Variants in FUT8 observed in about 807,000 individuals in gnomAD.
FUT8 encodes the protein fucosyltransferase 8.
FUT8 carries 29 observed loss-of-function variants against 71.3 expected under a neutral mutation model. That is an observed-to-expected ratio of 0.41 (90% CI 0.30 to 0.55). FUT8 has a LOEUF of 0.55. Among genes scored for constraint, FUT8 ranks in the 20% least tolerant of loss-of-function variants. The pLI is 0.34. For missense variants in FUT8, 544 were observed against 702.1 expected (o/e 0.77, Z 2.55); for synonymous variants, 254 against 239.3 (o/e 1.06, Z -0.57).
chr14:65,675,650 C>A (rs1203891921), intron 7 of FUT8, among the ~76,000 whole-genome samples: 3 of 152,116 alleles, frequency 2.0e-5, no homozygotes, highest in African/African-American at 4.8e-5. Flanking sequence ...TATTTACCTT[C>A]TAGGTTATTT....
rs1889415122 is a variant in FUT8, at chr14:65,618,305, A to G, written c.482+1932A>G. 2.6e-5 allele frequency among the ~76,000 whole-genome samples: 4 copies of G among 152,048 alleles called. No homozygotes were observed. In the South Asian group the frequency reaches 6.2e-4, roughly 24 times the overall value. On this transcript the variant is annotated intron_variant, in intron 5 of 10. Coordinates refer to ENST00000673929, the MANE Select transcript of FUT8 (RefSeq NM_001371533.1). ...CCATATGTACAAATGAAAAGTGAAT[A>G]TAAGAAATGGGCCCCTGAGAAACTG...
At chr14:65,500,113 G>T (rs1456330394) in intron 2 of FUT8, among the ~76,000 whole-genome samples, 1 of 152,114 alleles carries the variant, frequency 6.6e-6, no homozygotes, top group Admixed American at 6.5e-5. Context: ...AGTAGTTTTG[G>T]AATAGGATGA....
At chr14:65,740,215 G>A (rs1896427579) in intron 10 of FUT8, among the ~76,000 whole-genome samples, 2 of 151,800 alleles carry the variant, frequency 1.3e-5, no homozygotes, top group Non-Finnish European at 2.9e-5. Context: ...AAATCTGAAA[G>A]CAAGGTTTCT....
intron 2 of FUT8, among the ~76,000 whole-genome samples, chr14:65,485,321 A>G (rs1270312096): frequency 6.6e-6 from 1 of 151,902 alleles, no homozygotes; most frequent in Non-Finnish European, 1.5e-5. Flanking sequence ...ACCTTTTTTG[A>G]GTGTTAGATA....
intron 1 of FUT8, among the ~76,000 whole-genome samples, chr14:65,453,112 G>A (rs2065851136): frequency 6.6e-6 from 1 of 151,348 alleles, no homozygotes; most frequent in African/African-American, 2.4e-5. Flanking sequence ...GCCCTGTTGG[G>A]TGCTGGACAT....
At position 65,616,199 on chromosome 14, in the gene FUT8, C is replaced by A; in HGVS notation, c.320-12C>A. The A allele has an allele frequency of 1.3e-6, 2 of 1,599,998 alleles. No homozygotes were observed. The highest frequency in any genetic ancestry group is 1.7e-6 in the Non-Finnish European group (2 of 1,173,824). ...GTTGGAAATGCTACAACTCTCTATT[C>A]TTTGACTACAGGTCTGGGGAAGGAT... On this transcript the variant is annotated splice_polypyrimidine_tract_variant and intron_variant, in intron 4 of 10. Coordinates refer to ENST00000673929, the MANE Select transcript of FUT8 (RefSeq NM_001371533.1).
At chr14:65,479,712 A>G (rs750778835) in intron 2 of FUT8, 9 of 151,208 alleles carry the variant, frequency 6.0e-5, no homozygotes, top group Non-Finnish European at 1.3e-4. Flanking sequence ...TGAAGATTCT[A>G]TTTTGACCAG....
intron 1 of FUT8, among the ~76,000 whole-genome samples, chr14:65,441,258 A>T (rs2139485108): frequency 6.6e-6 from 1 of 152,352 alleles, no homozygotes; most frequent in Admixed American, 6.5e-5. Flanking sequence ...GTTAGAAGAG[A>T]TTAGGGTTGT....
chr14:65,382,044 C>T, the FUT8 span, among the ~76,000 whole-genome samples: 5 of 152,222 alleles, frequency 3.3e-5, no homozygotes, highest in African/African-American at 1.2e-4. Flanking sequence ...CTTCTATTTA[C>T]CAAAGCTAGA....
chr14:65,528,461 G>T (rs1160945703), intron 2 of FUT8, among the ~76,000 whole-genome samples: 1 of 152,182 alleles, frequency 6.6e-6, no homozygotes, highest in African/African-American at 2.4e-5. Context: ...GCTTCCCTTG[G>T]CTAGGAAAGG....
chr14:65,418,746 G>A (rs2065253457), intron 1 of FUT8, among the ~76,000 whole-genome samples: 1 of 152,052 alleles, frequency 6.6e-6, no homozygotes, highest in Admixed American at 6.5e-5. Context: ...TTCTAGCAAT[G>A]GTAAGAAATG....
At chr14:65,520,944 T>C (rs568709983) in intron 2 of FUT8, among the ~76,000 whole-genome samples, 46 of 152,254 alleles carry the variant, frequency 3.0e-4, no homozygotes, top group Non-Finnish European at 3.7e-4. Context: ...AGCACACATA[T>C]AAGACTGTAA....
At chr14:65,605,379 G>C (rs1372660549) in intron 3 of FUT8, among the ~76,000 whole-genome samples, 2 of 151,850 alleles carry the variant, frequency 1.3e-5, no homozygotes, top group Admixed American at 6.6e-5. Context: ...CTAAACCCCA[G>C]TCCCTCAGAT....
At chr14:65,481,007 A>G (rs1594681158) in intron 2 of FUT8, among the ~76,000 whole-genome samples, 3 of 151,902 alleles carry the variant, frequency 2.0e-5, no homozygotes, top group South Asian at 2.1e-4. Context: ...TCTTTTTTCA[A>G]TTTTTTGAGG....
chr14:65,665,237 G>T (rs1236100582), intron 6 of FUT8, among the ~76,000 whole-genome samples: 2 of 152,148 alleles, frequency 1.3e-5, no homozygotes, highest in African/African-American at 4.8e-5. Context: ...AAATTGTGAA[G>T]ATAGATGGAA....
chr14:65,721,203 G>A (rs1429956117), intron 7 of FUT8, among the ~76,000 whole-genome samples: 1 of 150,882 alleles, frequency 6.6e-6, no homozygotes, highest in Admixed American at 6.6e-5. Context: ...ATTGGTTGAG[G>A]CTTCTATTCA....
In FUT8 at chr14:65,447,474, T is replaced by G. The variant is rs565224464; in HGVS notation, c.-325-8147T>G. On this transcript the variant is annotated intron_variant, in intron 1 of 10. Transcript: ENST00000673929. The stretch of plus-strand genomic sequence containing the variant: ...TATAATAATGAAGGAAAAGGACTTT[T>G]TGGATTGGAAAGGAATGTTTTGACA... Among the ~76,000 whole-genome samples, 32 of 152,190 alleles carry G rather than the reference T, an allele frequency of 2.1e-4. No individual in the cohort carries two copies. The South Asian group carries it at 6.3e-3, about 30-fold the overall frequency.
intron 2 of FUT8, among the ~76,000 whole-genome samples, chr14:65,528,260 C>T (rs953671653): frequency 2.6e-5 from 4 of 152,240 alleles, no homozygotes; most frequent in Non-Finnish European, 5.9e-5. Context: ...AGGTACCCCT[C>T]CCCCAGCTTC....
chr14:65,705,962 T>C (rs1894533410), intron 7 of FUT8, among the ~76,000 whole-genome samples: 1 of 152,212 alleles, frequency 6.6e-6, no homozygotes, highest in Admixed American at 6.5e-5. Context: ...TGGCAAATAA[T>C]CTCTTCCTAG....
Sources: gnomAD v4.1 joint callset for allele counts (sites outside exome capture counted in the v4.1 genomes callset) on GRCh38, gnomAD v4.1.1 for gene constraint, MANE v1.5 for transcripts, NCBI Gene and HGNC (gene_info 2026-07-23, HGNC 2026-07-21) for gene names.